HEATR5A: variants seen among roughly 807,000 people sequenced by gnomAD.
HEATR5A encodes the protein HEAT repeat-containing protein 5A.
A neutral mutation model predicts 218.8 loss-of-function variants in HEATR5A; 178 were observed. The observed-to-expected ratio is 0.81, with a 90% CI of 0.72 to 0.92. The LOEUF is 0.92. HEATR5A is among the 40% of genes least tolerant of loss of function. HEATR5A has a pLI of 0.00. For synonymous variants in HEATR5A, 864 were observed against 871.6 expected (o/e 0.99, Z 0.15); for missense variants, 2,420 against 2,418.9 (o/e 1.00, Z -0.01).
At chr14:31,327,286 CTTTTTTTTTTT>C (rs71951930) in intron 22 of HEATR5A, among the ~76,000 whole-genome samples, 10 of 45,158 alleles carry the variant, frequency 2.2e-4, no homozygotes, top group African/African-American at 7.7e-4. Flanking sequence ...TCCAGTGGCA[CTTTTTTTTTTT>C]TTTTTTTTTT....
At chr14:31,369,608 C>CAG (rs1555370120) in intron 13 of HEATR5A, among the ~76,000 whole-genome samples, 62 of 45,162 alleles carry the variant, frequency 1.4e-3, no homozygotes, top group Non-Finnish European at 2.1e-3. Context: ...AAAACTGTCT[C>CAG]AAAAAAAAAA....
intron 1 of HEATR5A, among the ~76,000 whole-genome samples, chr14:31,417,013 G>A (rs2031473585): frequency 6.6e-6 from 1 of 151,888 alleles, no homozygotes; most frequent in Non-Finnish European, 1.5e-5. Context: ...GAGGTAGAAG[G>A]ATCGCTTGAG....
At chr14:31,399,286 A>G (rs1272444243) in intron 3 of HEATR5A, among the ~76,000 whole-genome samples, 4 of 152,242 alleles carry the variant, frequency 2.6e-5, no homozygotes, top group African/African-American at 9.6e-5. Context: ...TATACTTTCA[A>G]TAATAAGGAT....
At chr14:31,406,766 T>C (rs2031075672) in intron 1 of HEATR5A, among the ~76,000 whole-genome samples, 1 of 151,992 alleles carries the variant, frequency 6.6e-6, no homozygotes, top group African/African-American at 2.4e-5. Context: ...GAGACCAGCC[T>C]GGCCAACATG....
chr14:31,378,706 T>C (rs2029873952), intron 11 of HEATR5A, among the ~76,000 whole-genome samples: 1 of 146,202 alleles, frequency 6.8e-6, no homozygotes, highest in Non-Finnish European at 1.5e-5. Context: ...GAGAATGGCA[T>C]GAACCCAGGA....
chr14:31,320,563 AG>A (rs1900062178), intron 25 of HEATR5A: 2 of 850,184 alleles, frequency 2.4e-6, no homozygotes, highest in East Asian at 5.2e-5. Context: ...AGGCAGACAC[AG>A]GCCTGATTAG....
intron 12 of HEATR5A, among the ~76,000 whole-genome samples, chr14:31,373,591 A>G (rs1274012190): frequency 6.6e-6 from 1 of 152,180 alleles, no homozygotes; most frequent in East Asian, 1.9e-4. Flanking sequence ...TCAGCCTCCC[A>G]AAGTGCTGAG....
At chr14:31,299,512 G>A (rs893546589) in intron 33 of HEATR5A, among the ~76,000 whole-genome samples, 2 of 152,070 alleles carry the variant, frequency 1.3e-5, no homozygotes, top group African/African-American at 4.8e-5. Context: ...CTGAGGTCAG[G>A]AGTTCGAGAC....
At chr14:31,383,863 A>G in intron 9 of HEATR5A, 92 bp from the exon 10 acceptor site, 7 of 947,542 alleles carry the variant, frequency 7.4e-6, no homozygotes, top group African/African-American at 1.7e-5. Flanking sequence ...CATGGATATA[A>G]AATATATTTT....
At chr14:31,338,977 G>C (rs1002965871) in intron 21 of HEATR5A, among the ~76,000 whole-genome samples, 2 of 151,534 alleles carry the variant, frequency 1.3e-5, no homozygotes, top group African/African-American at 4.9e-5. Context: ...AAAATTAGCC[G>C]GGCATGGTGG....
Position 31,313,189 on chromosome 14 carries a change from A to G in HEATR5A, c.4220T>C (p.Val1407Ala), listed in dbSNP as rs200169128. 1,112 of 1,607,118 alleles carry G rather than the reference A, an allele frequency of 6.9e-4. 9 individuals carry two copies. Among genetic ancestry groups the G allele is most frequent in the Admixed American group, 1.0e-3 (62 of 59,688 alleles). ...ATGTCTTTGCACAGCAATTATGTAGACCTGTTAAAGGTTAATTTAAAAACA... is the reference window on the plus strand; with the variant it reads ...ATGTCTTTGCACAGCAATTATGTAGGCCTGTTAAAGGTTAATTTAAAAACA... The part of the protein sequence containing the change: ...ILAVLKAWAE[V>A]YIIAVQRHKN... Residue 1407 changes from valine (V) to alanine (A), a missense_variant and splice_region_variant, in exon 28 of 36, where the codon GTC becomes GCC. Physicochemically the swap from Val to Ala is moderately conservative, Grantham distance 64. Transcript: ENST00000543095.
chr14:31,358,932 A>G lies in HEATR5A; in HGVS notation c.2197T>C (p.Phe733Leu). The change falls in exon 15 of 36, where the codon TTC (phenylalanine) becomes CTC (leucine). Residue 733 changes from phenylalanine to leucine, a missense_variant. Phe to Leu is a conservative substitution (Grantham distance 22). Transcript: ENST00000543095. ...AATCTATGGTCAGTCTCTTGTAGGAAAGGACTTAGTATCAAAAGATCATCC... is the reference window on the plus strand; with the variant it reads ...AATCTATGGTCAGTCTCTTGTAGGAGAGGACTTAGTATCAAAAGATCATCC... The part of the protein sequence containing the change: ...HQDDLLILSP[F>L]LQETDHRFIE... 3 of 1,593,514 alleles carry G rather than the reference A, an allele frequency of 1.9e-6. No individual in the cohort carries two copies. The highest frequency in any genetic ancestry group is 2.6e-6 in the Non-Finnish European group (3 of 1,174,948).
intron 1 of HEATR5A, among the ~76,000 whole-genome samples, chr14:31,412,698 ACT>A (rs2031317637): frequency 6.7e-6 from 1 of 149,420 alleles, no homozygotes; most frequent in African/African-American, 2.5e-5. Context: ...CCATGGAGAA[ACT>A]CTGTCTCTAC....
chr14:31,336,031 A>G (rs1900639979), intron 22 of HEATR5A, among the ~76,000 whole-genome samples: 1 of 148,500 alleles, frequency 6.7e-6, no homozygotes, highest in South Asian at 2.1e-4. Context: ...GTTATTATGC[A>G]GTGCATAATA....
chr14:31,331,792 G>C (rs1900481612), intron 22 of HEATR5A, among the ~76,000 whole-genome samples: 1 of 152,170 alleles, frequency 6.6e-6, no homozygotes, highest in African/African-American at 2.4e-5. Flanking sequence ...GAGAGTGTGT[G>C]TGAAGGAACT....
Position 31,386,434 on chromosome 14 carries a change from T to C in HEATR5A, c.1331A>G (p.Gln444Arg), listed in dbSNP as rs1481124821. 1.2e-6 allele frequency: 2 copies of C among 1,613,814 alleles called. No individual in the cohort carries two copies. The highest frequency in any genetic ancestry group is 1.7e-5 in the Admixed American group (1 of 59,984). The change falls in exon 9 of 36, where the codon CAG becomes CGG. Residue 444 changes from glutamine to arginine, a missense_variant. Physicochemically the swap from Gln to Arg is conservative, Grantham distance 43 (BLOSUM62 1). Transcript: ENST00000543095. ...AACAGATATACCTGTACTTGAATCC[T>C]GTAGCAAAGGTGCCGCTGTGGTGCC... ...NLGTTAAPLL[Q>R]DSSTGLLDSI...
chr14:31,387,268 G>C lies in HEATR5A; in HGVS notation c.1041C>G (p.Ala347=), dbSNP rs1389866010. 1 of 1,613,976 alleles carries C rather than the reference G, an allele frequency of 6.2e-7. No individual in the cohort carries two copies. Among genetic ancestry groups the C allele is most frequent in the South Asian group, 1.1e-5 (1 of 91,084 alleles). ...LSLASPSHPK[A]TQTQIDAVCC... ...AGACGGCATCGATCTGAGTTTGGGT[G>C]GCTTTAGGGTGTGACGGTGACGCAA... is the stretch of plus-strand genomic sequence containing the variant. Residue 347 remains alanine, a synonymous_variant, in exon 8 of 36, where the codon GCC becomes GCG. Coordinates refer to ENST00000543095, the MANE Select transcript of HEATR5A (RefSeq NM_015473.4).
intron 6 of HEATR5A, among the ~76,000 whole-genome samples, chr14:31,389,396 T>C (rs1475504066): frequency 6.6e-6 from 1 of 152,226 alleles, no homozygotes; most frequent in Non-Finnish European, 1.5e-5. Flanking sequence ...AAAATCATAA[T>C]TTTATTTTTC....
chr14:31,324,449 G>A (rs949332681), intron 23 of HEATR5A, among the ~76,000 whole-genome samples: 2 of 151,990 alleles, frequency 1.3e-5, no homozygotes, highest in South Asian at 2.1e-4. Flanking sequence ...ATATTATCCC[G>A]TATGTCAATA....
Sources: gnomAD v4.1 joint callset for allele counts (sites outside exome capture counted in the v4.1 genomes callset) on GRCh38, gnomAD v4.1.1 for gene constraint, MANE v1.5 for transcripts, NCBI Gene and HGNC (gene_info 2026-07-23, HGNC 2026-07-21) for gene names.